The following CSMD1 variants were observed in gnomAD, a reference collection of about 807,000 sequenced individuals.
CSMD1 encodes CUB and Sushi multiple domains 1, also known as CUB and sushi domain-containing protein 1.
CSMD1 carries 213 observed loss-of-function variants against 417.5 expected under a neutral mutation model. The observed-to-expected ratio is 0.51, with a 90% CI of 0.46 to 0.57. CSMD1 has a LOEUF of 0.57. Ranked by LOEUF, CSMD1 falls within the 20% of genes least tolerant of loss-of-function variation. The pLI, the probability that CSMD1 is intolerant of heterozygous loss-of-function variation, is 0.00. For missense variants in CSMD1, 6,923 were observed against 4,529.7 expected (o/e 1.53, Z -15.17); for synonymous variants, 2,862 against 1,736.8 (o/e 1.65, Z -16.11).
At chr8:4,210,136 T>C (rs977032490) in intron 3 of CSMD1, among the ~76,000 whole-genome samples, 49 of 152,320 alleles carry the variant, frequency 3.2e-4, no homozygotes, top group African/African-American at 1.1e-3. Flanking sequence ...GGGCAAAGCA[T>C]TTCTCCTGTC....
intron 3 of CSMD1, among the ~76,000 whole-genome samples, chr8:4,166,642 T>A (rs1055765619): frequency 3.9e-5 from 6 of 152,104 alleles, no homozygotes; most frequent in African/African-American, 1.4e-4. Flanking sequence ...GAAGACTGCA[T>A]ATTGGGTACC....
intron 1 of CSMD1, among the ~76,000 whole-genome samples, chr8:4,976,012 T>C (rs1810542331): frequency 6.6e-6 from 1 of 152,236 alleles, no homozygotes; most frequent in Admixed American, 6.5e-5. Flanking sequence ...CTTTCTGGTT[T>C]GGACTGGAGC....
chr8:4,945,543 C>A (rs1340051368), intron 1 of CSMD1, among the ~76,000 whole-genome samples: 4 of 149,596 alleles, frequency 2.7e-5, no homozygotes, highest in Non-Finnish European at 5.9e-5. Context: ...AAAAGTGGTA[C>A]TCAGTAAAAA....
intron 6 of CSMD1, among the ~76,000 whole-genome samples, chr8:3,740,008 G>C (rs1008625311): frequency 6.6e-6 from 1 of 152,174 alleles, no homozygotes; most frequent in Non-Finnish European, 1.5e-5. Context: ...GTCTCTTCTG[G>C]GAGTCATTGA....
At chr8:4,172,002 C>T (rs1563219891) in intron 3 of CSMD1, among the ~76,000 whole-genome samples, 1 of 152,142 alleles carries the variant, frequency 6.6e-6, no homozygotes, top group Non-Finnish European at 1.5e-5. Context: ...CGGTTTAATA[C>T]CACCAAAGCA....
intron 1 of CSMD1, among the ~76,000 whole-genome samples, chr8:4,659,632 G>C (rs1005319910): frequency 6.6e-6 from 1 of 152,100 alleles, no homozygotes; most frequent in Non-Finnish European, 1.5e-5. Context: ...CAGAGTCTAG[G>C]CCATTTCCAA....
At chr8:3,655,587 G>A (rs985144483) in intron 7 of CSMD1, among the ~76,000 whole-genome samples, 2 of 151,634 alleles carry the variant, frequency 1.3e-5, no homozygotes, top group African/African-American at 4.9e-5. Flanking sequence ...ACTGATGAAT[G>A]CCCGTCCCAC....
chr8:4,253,062 C>G (rs981493141), intron 3 of CSMD1, among the ~76,000 whole-genome samples: 1 of 152,190 alleles, frequency 6.6e-6, no homozygotes, highest in African/African-American at 2.4e-5. Flanking sequence ...TACGATGAGA[C>G]TACAAGCTCT....
intron 7 of CSMD1, among the ~76,000 whole-genome samples, chr8:3,695,357 AC>A (rs949582300): frequency 6.7e-6 from 1 of 150,002 alleles, no homozygotes; most frequent in Non-Finnish European, 1.5e-5. Context: ...ACAAATAACC[AC>A]AAAAAAAAAT....
At chr8:3,662,214 T>C (rs1440945114) in intron 7 of CSMD1, among the ~76,000 whole-genome samples, 2 of 152,272 alleles carry the variant, frequency 1.3e-5, no homozygotes, top group Admixed American at 6.5e-5. Flanking sequence ...TAACAGTGGG[T>C]TTAGGAAAAC....
intron 2 of CSMD1, among the ~76,000 whole-genome samples, chr8:4,486,203 A>G (rs1168582416): frequency 2.2e-4 from 2 of 8,938 alleles, no homozygotes; most frequent in Non-Finnish European, 4.5e-4. Context: ...ATATATACAT[A>G]CATATATATA....
intron 3 of CSMD1, among the ~76,000 whole-genome samples, chr8:4,098,066 G>C (rs990655174): frequency 6.6e-6 from 1 of 152,210 alleles, no homozygotes; most frequent in Non-Finnish European, 1.5e-5. Flanking sequence ...CTCACTTAAA[G>C]TTCTTGTTAA....
intron 3 of CSMD1, among the ~76,000 whole-genome samples, chr8:4,284,130 G>T (rs1248578585): frequency 6.6e-6 from 1 of 152,180 alleles, no homozygotes; most frequent in Non-Finnish European, 1.5e-5. Flanking sequence ...CATTTTGGGA[G>T]GCCGAGAAGG....
chr8:3,614,331 C>G (rs1266947209), intron 8 of CSMD1, among the ~76,000 whole-genome samples: 2 of 151,984 alleles, frequency 1.3e-5, no homozygotes, highest in African/African-American at 2.4e-5. Flanking sequence ...TCTGCACAAC[C>G]TAGATTCTCC....
intron 5 of CSMD1, among the ~76,000 whole-genome samples, chr8:3,971,451 G>C (rs551278608): frequency 4.6e-4 from 70 of 152,040 alleles, no homozygotes; most frequent in Middle Eastern, 3.4e-3. Flanking sequence ...TTTGGGATTC[G>C]ACTAATGCAA....
chr8:3,398,544 T>C (rs1457289094), intron 16 of CSMD1, among the ~76,000 whole-genome samples: 1 of 152,190 alleles, frequency 6.6e-6, no homozygotes, highest in African/African-American at 2.4e-5. Context: ...AATAATACAA[T>C]GAAGTTCATC....
intron 1 of CSMD1, among the ~76,000 whole-genome samples, chr8:4,690,509 G>T (rs1387019791): frequency 5.9e-5 from 9 of 152,276 alleles, no homozygotes; most frequent in East Asian, 1.9e-4. Flanking sequence ...TATGATATTT[G>T]AGTGGTATTT....
chr8:4,695,781 G>A (rs1387089597), intron 1 of CSMD1, among the ~76,000 whole-genome samples: 2 of 152,170 alleles, frequency 1.3e-5, no homozygotes, highest in Non-Finnish European at 2.9e-5. Context: ...CCCCGATATA[G>A]TATCATACAG....
chr8:3,858,919 G>C (rs1392161850), intron 5 of CSMD1, among the ~76,000 whole-genome samples: 1 of 152,130 alleles, frequency 6.6e-6, no homozygotes. Context: ...AATGGATTTG[G>C]CGAGTTGGTT....
Sources: allele counts gnomAD v4.1 joint callset (sites outside exome capture counted in the v4.1 genomes callset), GRCh38; gene constraint gnomAD v4.1.1; transcripts MANE v1.5; gene names NCBI Gene and HGNC (gene_info 2026-07-23, HGNC 2026-07-21).